CEP135: variants seen among roughly 807,000 people sequenced by gnomAD.
CEP135 encodes centrosomal protein of 135 kDa.
Under a neutral mutation model 157.3 loss-of-function variants are expected in CEP135, and 142 were observed. The observed-to-expected ratio is 0.90, with a 90% CI of 0.79 to 1.04. The LOEUF (loss-of-function observed/expected upper bound fraction) is 1.04. Among genes scored for constraint, CEP135 ranks in the 50% least tolerant of loss-of-function variants. The probability of loss-of-function intolerance (pLI) is 0.00; values close to 1 mark genes in which losing one functional copy is unlikely to be tolerated. For synonymous variants in CEP135, 396 were observed against 439.8 expected (o/e 0.90, Z 1.25); for missense variants, 1,317 against 1,309.2 (o/e 1.01, Z -0.09).
At chr4:55,990,874 A>G (rs1431950383) in intron 14 of CEP135, among the ~76,000 whole-genome samples, 1 of 152,228 alleles carries the variant, frequency 6.6e-6, no homozygotes, top group Non-Finnish European at 1.5e-5. Flanking sequence ...CAAAAATGCT[A>G]TCTTTTCTAA....
At position 56,017,876 on chromosome 4, in the gene CEP135, C is replaced by T. The variant is rs1730835259; in HGVS notation, c.3012+19C>T. The stretch of plus-strand genomic sequence containing the variant: ...TGAGAGGGTAAGAAAGATAAATTGT[C>T]TTGGCACATTGTTTTATTGAGCCCT... On this transcript the variant is annotated intron_variant, in intron 22 of 25. Coordinates refer to ENST00000257287, the MANE Select transcript of CEP135 (RefSeq NM_025009.5). 1.3e-6 allele frequency: 2 copies of T among 1,598,186 alleles called. No individual in the cohort carries two copies. Among genetic ancestry groups the T allele is most frequent in the African/African-American group, 1.3e-5 (1 of 74,462 alleles).
chr4:55,973,311 C>T (rs771912637), intron 10 of CEP135, among the ~76,000 whole-genome samples: 7 of 152,184 alleles, frequency 4.6e-5, no homozygotes, highest in Non-Finnish European at 1.0e-4. Context: ...GTTCTCTTAG[C>T]GTTTGATCTT....
chr4:55,991,740 T>C (rs937213492), intron 14 of CEP135, among the ~76,000 whole-genome samples, 194 bp from the exon 15 acceptor site: 1 of 152,180 alleles, frequency 6.6e-6, no homozygotes, highest in Admixed American at 6.5e-5. Flanking sequence ...GTATCTTTAA[T>C]GGTAGTGAGG....
rs750911905 is a variant in CEP135, at chr4:55,992,037, A to G, written c.1961A>G (p.His654Arg). The G allele has an allele frequency of 5.6e-6, 9 of 1,610,352 alleles. No individual in the cohort carries two copies. Among genetic ancestry groups the G allele is most frequent in the South Asian group, 5.6e-5 (5 of 89,912 alleles). ...AAAGTCCAAGCTCAAAAATTTAGCC[A>G]TGTGGCTGGTGACTCATCTCATCAG... is the stretch of plus-strand genomic sequence containing the variant. ...KLKVQAQKFS[H>R]VAGDSSHQKT... The change falls in exon 15 of 26, where the codon CAT (histidine) becomes CGT (arginine). Residue 654 changes from histidine to arginine, a missense_variant. Physicochemically the swap from His to Arg is conservative, Grantham distance 29. Coordinates refer to ENST00000257287, the MANE Select transcript of CEP135 (RefSeq NM_025009.5).
At chr4:56,010,287 T>C (rs1577906319) in intron 19 of CEP135, among the ~76,000 whole-genome samples, 2 of 139,676 alleles carry the variant, frequency 1.4e-5, no homozygotes, top group Middle Eastern at 4.3e-3. Flanking sequence ...CACCTGAACC[T>C]GGAGGCAGAG....
rs371277319 is a variant in CEP135 at position 55,963,619 on chromosome 4, A to G, written c.700-655A>G. On this transcript the variant is annotated intron_variant, in intron 6 of 25. Transcript: ENST00000257287. ...AAATTAGCCAGGCGTGGTGGCACAT[A>G]CCTGTAGTCCCAGCTACTCAGGAGG... Among the ~76,000 whole-genome samples the G allele has an allele frequency of 2.3e-3, 356 of 152,168 alleles. 1 individual carries two copies. Among genetic ancestry groups the G allele is most frequent in the African/African-American group, 8.3e-3 (343 of 41,526 alleles).
chr4:56,006,949 A>G (rs2109725593), intron 17 of CEP135, among the ~76,000 whole-genome samples: 2 of 152,224 alleles, frequency 1.3e-5, no homozygotes, highest in Non-Finnish European at 2.9e-5. Flanking sequence ...ACTGGAGTGC[A>G]GTGGCATCAT....
chr4:55,975,833 C>T (rs1469051238), intron 11 of CEP135, among the ~76,000 whole-genome samples: 1 of 152,124 alleles, frequency 6.6e-6, no homozygotes, highest in African/African-American at 2.4e-5. Flanking sequence ...TCATGTTTTT[C>T]CTGAAGATCT....
chr4:55,961,507 G>A (rs1486315989), intron 6 of CEP135, among the ~76,000 whole-genome samples: 1 of 152,032 alleles, frequency 6.6e-6, no homozygotes, highest in Non-Finnish European at 1.5e-5. Flanking sequence ...GCTCACACCT[G>A]TAATCCCAGC....
chr4:56,011,325 C>T, intron 19 of CEP135, 87 bp from the exon 20 acceptor site: 1 of 895,296 alleles, frequency 1.1e-6, no homozygotes, highest in Non-Finnish European at 1.7e-6. Flanking sequence ...ATCTTATTCT[C>T]CAATTCCAAA....
intron 17 of CEP135, among the ~76,000 whole-genome samples, chr4:56,001,987 G>T (rs1183537856): frequency 6.6e-6 from 1 of 151,856 alleles, no homozygotes; most frequent in Non-Finnish European, 1.5e-5. Flanking sequence ...TGATTCCTGG[G>T]TGTTTTCTAT....
chr4:56,003,408 C>T (rs1432112626), intron 17 of CEP135, among the ~76,000 whole-genome samples: 1 of 152,096 alleles, frequency 6.6e-6, no homozygotes, highest in Non-Finnish European at 1.5e-5. Flanking sequence ...TGGGGTTTCA[C>T]CATGTTAGCC....
At chr4:55,989,406 A>G in intron 14 of CEP135, among the ~76,000 whole-genome samples, 1 of 152,232 alleles carries the variant, frequency 6.6e-6, no homozygotes, top group Admixed American at 6.5e-5. Flanking sequence ...CAAATAAGGA[A>G]ACTGAGGCAG....
chr4:55,951,172 T>A (rs1471992869), intron 1 of CEP135, among the ~76,000 whole-genome samples: 1 of 152,224 alleles, frequency 6.6e-6, no homozygotes, highest in Non-Finnish European at 1.5e-5. Context: ...GGGGTTTAGG[T>A]TGTTTCCAGT....
At chr4:55,961,606 A>T (rs1274965670) in intron 6 of CEP135, among the ~76,000 whole-genome samples, 2 of 151,598 alleles carry the variant, frequency 1.3e-5, no homozygotes, top group Non-Finnish European at 2.9e-5. Context: ...CTCTACTAAA[A>T]ATACAAAATT....
At chr4:56,021,943 T>C (rs1453659109) in intron 24 of CEP135, among the ~76,000 whole-genome samples, 1 of 152,036 alleles carries the variant, frequency 6.6e-6, no homozygotes. Context: ...AGTGGGAGGA[T>C]TGATTGAGCT....
At chr4:55,975,930 G>T (rs1331945518) in intron 11 of CEP135, among the ~76,000 whole-genome samples, 2 of 152,010 alleles carry the variant, frequency 1.3e-5, no homozygotes, top group Non-Finnish European at 2.9e-5. Context: ...ATTTACTGTT[G>T]TCAGTGTAAG....
chr4:56,002,619 AT>A (rs1730214321), intron 17 of CEP135, among the ~76,000 whole-genome samples: 1 of 152,140 alleles, frequency 6.6e-6, no homozygotes, highest in Admixed American at 6.5e-5. Flanking sequence ...TATTTAAAAA[AT>A]ATTGTTGAAT....
chr4:56,033,356 A>T lies in CEP135; in HGVS notation c.*2008A>T, dbSNP rs1049307416. The stretch of plus-strand genomic sequence containing the variant: ...ACCTAGATTTGCCAATAAACTTTCT[A>T]GCCTATTTATTTTCTCTTTCTTACA... On this transcript the variant is annotated 3_prime_UTR_variant, in exon 26 of 26. Transcript: ENST00000257287. 3 of 152,096 alleles carry T rather than the reference A, an allele frequency of 2.0e-5. No homozygotes were observed. The highest frequency in any genetic ancestry group is 7.2e-5 in the African/African-American group (3 of 41,440). 9.4% of individuals were successfully genotyped at this position (152,096 alleles called of 1,614,324 possible).
Sources: allele counts gnomAD v4.1 joint callset (sites outside exome capture counted in the v4.1 genomes callset), GRCh38; gene constraint gnomAD v4.1.1; transcripts MANE v1.5; gene names NCBI Gene and HGNC (gene_info 2026-07-23, HGNC 2026-07-21).